ADD3: variants seen among roughly 807,000 people sequenced by gnomAD.
ADD3 encodes the protein gamma-adducin.
A neutral mutation model predicts 80.2 loss-of-function variants in ADD3; 25 were observed. That is an observed-to-expected ratio of 0.31 (90% CI 0.23 to 0.44). The LOEUF (loss-of-function observed/expected upper bound fraction) is 0.44, where lower values mean the gene tolerates loss of function less well. Among genes scored for constraint, ADD3 ranks in the 20% least tolerant of loss-of-function variants. The pLI is 1.00. For synonymous variants in ADD3, 284 were observed against 289.6 expected (o/e 0.98, Z 0.20); for missense variants, 829 against 847.5 (o/e 0.98, Z 0.27).
At chr10:110,040,473 TAGG>T (rs910885984) in intron 1 of ADD3, among the ~76,000 whole-genome samples, 1 of 152,226 alleles carries the variant, frequency 6.6e-6, no homozygotes, top group African/African-American at 2.4e-5. Context: ...CATCCATAAT[TAGG>T]AGTACTTAAT....
chr10:110,073,857 C>T (rs748953077), intron 1 of ADD3, among the ~76,000 whole-genome samples: 1 of 152,106 alleles, frequency 6.6e-6, no homozygotes, highest in Non-Finnish European at 1.5e-5. Flanking sequence ...CCCATGGAAG[C>T]AGCCACCTTC....
chr10:110,011,214 A>G (rs539172331), intron 1 of ADD3, among the ~76,000 whole-genome samples: 1 of 152,182 alleles, frequency 6.6e-6, no homozygotes, highest in South Asian at 2.1e-4. Flanking sequence ...TACCAACATC[A>G]TATCAACCTG....
At chr10:110,000,822 G>T (rs1372056679), upstream of ADD3, among the ~76,000 whole-genome samples, 1 of 152,140 alleles carries the variant, frequency 6.6e-6, no homozygotes, top group African/African-American at 2.4e-5. Context: ...TAATACAGTA[G>T]TATCTACCTT....
At chr10:110,010,252 C>T (rs1211223972) in intron 1 of ADD3, among the ~76,000 whole-genome samples, 1 of 152,194 alleles carries the variant, frequency 6.6e-6, no homozygotes, top group Non-Finnish European at 1.5e-5. Flanking sequence ...GTAGGCCTAT[C>T]ATGTCTGAGT....
chr10:110,112,577 G>A (rs75995632), intron 2 of ADD3, among the ~76,000 whole-genome samples, 200 bp from the exon 3 acceptor site: 3,068 of 152,182 alleles, frequency 0.02, 105 homozygotes, highest in African/African-American at 0.066. Flanking sequence ...AATGCCTAGT[G>A]GTTTTCCCCC....
At chr10:110,095,768 G>C (rs922047808) in intron 1 of ADD3, among the ~76,000 whole-genome samples, 3 of 152,116 alleles carry the variant, frequency 2.0e-5, no homozygotes, top group African/African-American at 7.2e-5. Context: ...CCATAGAATA[G>C]CATTCAACAG....
chr10:110,078,564 C>T (rs1357346837), intron 1 of ADD3, among the ~76,000 whole-genome samples: 1 of 152,178 alleles, frequency 6.6e-6, no homozygotes, highest in African/African-American at 2.4e-5. Flanking sequence ...AACCTCCTGC[C>T]ACAAGTGTTT....
chr10:110,083,057 T>A (rs1041186009), intron 1 of ADD3, among the ~76,000 whole-genome samples: 2 of 152,134 alleles, frequency 1.3e-5, no homozygotes, highest in Non-Finnish European at 2.9e-5. Flanking sequence ...TGAGTAACTC[T>A]AAGTGGACAG....
chr10:110,055,242 T>C (rs1363754221), intron 1 of ADD3, among the ~76,000 whole-genome samples: 7 of 152,196 alleles, frequency 4.6e-5, no homozygotes, highest in African/African-American at 1.7e-4. Context: ...GCCCGGGTGT[T>C]CTGAATTATG....
rs769743395 is a variant in ADD3 at position 110,133,311 on chromosome 10, C to T, written c.1829-15C>T. On this transcript the variant is annotated splice_polypyrimidine_tract_variant and intron_variant, in intron 14 of 14. Transcript: ENST00000356080. ...GTATGTAAAATAACCCCCAAAAAAC[C>T]CTCCCCTTTCGTAGAAAACCATGAG... 16 of 1,552,774 alleles carry T rather than the reference C, an allele frequency of 1.0e-5. No individual in the cohort carries two copies. The highest frequency in any genetic ancestry group is 1.9e-5 in the Admixed American group (1 of 52,660).
At chr10:110,045,052 G>A (rs1856773236) in intron 1 of ADD3, among the ~76,000 whole-genome samples, 1 of 152,122 alleles carries the variant, frequency 6.6e-6, no homozygotes, top group African/African-American at 2.4e-5. Flanking sequence ...GAAACACTGG[G>A]TAGTTTGAAG....
chr10:110,126,127 A>C (rs957923268), intron 11 of ADD3, among the ~76,000 whole-genome samples, 182 bp downstream of exon 11: 7 of 152,346 alleles, frequency 4.6e-5, no homozygotes, highest in African/African-American at 1.7e-4. Context: ...ATTGGTGAAC[A>C]GGCTACATGG....
intron 1 of ADD3, among the ~76,000 whole-genome samples, chr10:110,086,315 C>T (rs1411556152): frequency 6.6e-6 from 1 of 151,862 alleles, no homozygotes; most frequent in Non-Finnish European, 1.5e-5. Context: ...GAGGCTGAGG[C>T]AGGAGAATCA....
rs1345016647 is a variant in ADD3 at position 110,008,165 on chromosome 10, C to G, written c.-164C>G. The G allele has an allele frequency of 6.6e-6, 1 of 152,326 alleles. No individual in the cohort carries two copies. The highest frequency in any genetic ancestry group is 1.5e-5 in the Non-Finnish European group (1 of 68,116). The allele number at this position is 152,326 out of a possible 1,614,324, so 9.4% of individuals were successfully genotyped here. A position where few individuals can be genotyped will look rare whatever the true frequency, so the allele number is the denominator to read the frequency against. ...GTCCCTCCCTCCTCAAGCCCCCTCC[C>G]CTTCTCCCGCCCTACCCTCTGGGGC... On this transcript the variant is annotated 5_prime_UTR_variant, in exon 1 of 15. Transcript: ENST00000356080.
At chr10:110,055,176 A>AT (rs1205814613) in intron 1 of ADD3, among the ~76,000 whole-genome samples, 10 of 152,356 alleles carry the variant, frequency 6.6e-5, no homozygotes, top group Middle Eastern at 3.4e-3. Context: ...AGTTATGATG[A>AT]TAAAAACATA....
chr10:110,107,497 T>A (rs1849522873), intron 2 of ADD3, among the ~76,000 whole-genome samples: 1 of 152,132 alleles, frequency 6.6e-6, no homozygotes, highest in East Asian at 1.9e-4. Context: ...AAAAATTACA[T>A]AGCAGCAGAC....
intron 1 of ADD3, among the ~76,000 whole-genome samples, chr10:110,043,232 T>C (rs1391863907): frequency 1.3e-5 from 2 of 152,260 alleles, no homozygotes; most frequent in African/African-American, 4.8e-5. Flanking sequence ...TCCAAATGAG[T>C]ATTTCTTTTA....
chr10:110,107,899 AG>A (rs1849569995), intron 2 of ADD3, among the ~76,000 whole-genome samples: 1 of 152,130 alleles, frequency 6.6e-6, no homozygotes, highest in East Asian at 1.9e-4. Flanking sequence ...TGGTTTTTTA[AG>A]GTCTTGAATC....
upstream of ADD3, chr10:110,006,041 A>C (rs770973730): frequency 1.3e-5 from 3 of 228,148 alleles, no homozygotes; most frequent in Non-Finnish European, 2.7e-5. Context: ...TGTTGGTCTG[A>C]GGCTGCAGTA....
Sources: gnomAD v4.1 joint callset for allele counts (sites outside exome capture counted in the v4.1 genomes callset) on GRCh38, gnomAD v4.1.1 for gene constraint, MANE v1.5 for transcripts, NCBI Gene and HGNC (gene_info 2026-07-23, HGNC 2026-07-21) for gene names.